Variants in LAMC3 observed in about 807,000 individuals in gnomAD.
The protein encoded by LAMC3 is laminin subunit gamma-3.
A neutral mutation model predicts 173.8 loss-of-function variants in LAMC3; 128 were observed. The ratio of observed to expected loss-of-function variants is 0.74; its 90% CI spans 0.64 to 0.85. The LOEUF (loss-of-function observed/expected upper bound fraction) is 0.85, where lower values mean the gene tolerates loss of function less well. Among genes scored for constraint, LAMC3 ranks in the 40% least tolerant of loss-of-function variants. The probability of loss-of-function intolerance (pLI) is 0.00; values close to 1 mark genes in which losing one functional copy is unlikely to be tolerated. For missense variants in LAMC3, 2,022 were observed against 2,156.0 expected, an observed-to-expected ratio of 0.94 and a Z score of 1.23; for synonymous variants, 897 against 909.1, an observed-to-expected ratio of 0.99 and a Z score of 0.24.
intron 11 of LAMC3, among the ~76,000 whole-genome samples, chr9:131,055,423 CTTT>C (rs56220728): frequency 3.7e-5 from 4 of 109,218 alleles, no homozygotes; most frequent in Non-Finnish European, 3.5e-5. Flanking sequence ...TCTTTTCTTT[CTTT>C]TTTTTTTTTT....
At chr9:131,079,364 G>T in intron 23 of LAMC3, 66 bp downstream of exon 23, 1 of 1,592,052 alleles carries the variant, frequency 6.3e-7, no homozygotes, top group East Asian at 2.3e-5. Flanking sequence ...GGTGATCCAG[G>T]GTCAGGGTTG....
chr9:131,040,026 T>G (rs1441805411), intron 6 of LAMC3, among the ~76,000 whole-genome samples: 1 of 151,196 alleles, frequency 6.6e-6, no homozygotes, highest in East Asian at 1.9e-4. Context: ...TTTTTTTTTT[T>G]TTTTTTGAGA....
At chr9:131,066,876 G>A (rs1829943823) in intron 13 of LAMC3, 84 bp from the exon 14 acceptor site, 1 of 1,557,346 alleles carries the variant, frequency 6.4e-7, no homozygotes, top group Admixed American at 1.7e-5. Context: ...AAGGTGGAGG[G>A]ACGCTTGCTC....
At chr9:131,037,887 G>A (rs138089853) in intron 4 of LAMC3, among the ~76,000 whole-genome samples, 13 of 152,276 alleles carry the variant, frequency 8.5e-5, no homozygotes, top group African/African-American at 2.2e-4. Context: ...CACTGACCAC[G>A]GCAGCCCAGC....
At chr9:131,078,779 A>G (rs2133338702) in intron 22 of LAMC3, among the ~76,000 whole-genome samples, 1 of 152,332 alleles carries the variant, frequency 6.6e-6, no homozygotes, top group Middle Eastern at 3.4e-3. Flanking sequence ...CTGGGGAAGC[A>G]TTCCCACTTT....
At chr9:131,046,135 A>G (rs1036638153) in intron 8 of LAMC3, among the ~76,000 whole-genome samples, 1 of 150,802 alleles carries the variant, frequency 6.6e-6, no homozygotes, top group African/African-American at 2.4e-5. Context: ...CTGAGGCCAC[A>G]TAACAGTTGT....
rs764381675 is a variant in LAMC3 at position 131,073,310 on chromosome 9, C to T, written c.3483C>T (p.Ala1161=). 1.4e-5 allele frequency: 23 copies of T among 1,613,562 alleles called. No homozygotes were observed. The South Asian group carries it at 2.3e-4, about 16-fold the overall frequency. ...KWSHLATEAR[A]LARSHRDTAT... is the part of the protein sequence containing the mutation. Reference sequence around the variant, plus strand: ...GCCACCTGGCCACAGAGGCCCGTGCCCTCGCCAGGAGGTGAGTCCCAAGAC... The same window carrying T: ...GCCACCTGGCCACAGAGGCCCGTGCTCTCGCCAGGAGGTGAGTCCCAAGAC... The change falls in exon 20 of 28, where the codon GCC becomes GCT. Residue 1161 remains alanine, a synonymous_variant. Transcript: ENST00000361069.
Position 131,082,047 on chromosome 9 carries a change from A to C in LAMC3, c.3928-12A>C. 1.2e-6 allele frequency: 2 copies of C among 1,610,098 alleles called. No individual in the cohort carries two copies. Among genetic ancestry groups the C allele is most frequent in the Non-Finnish European group, 1.7e-6 (2 of 1,177,046 alleles). On this transcript the variant is annotated splice_polypyrimidine_tract_variant and intron_variant, in intron 23 of 27. Coordinates refer to ENST00000361069, the MANE Select transcript of LAMC3 (RefSeq NM_006059.4). ...GGAGCCAGCTGCCCAGCCTCTCCTC[A>C]TCTCTCTCCAGCTGCACCAGGAGGC...
chr9:131,063,956 G>A (rs1427572161), intron 13 of LAMC3, among the ~76,000 whole-genome samples: 1 of 152,114 alleles, frequency 6.6e-6, no homozygotes, highest in Non-Finnish European at 1.5e-5. Flanking sequence ...CCCCCAGGCT[G>A]GAGTGCGGTG....
chr9:131,073,439 C>G, intron 20 of LAMC3, 118 bp downstream of exon 20: 1 of 774,810 alleles, frequency 1.3e-6, no homozygotes, highest in Non-Finnish European at 2.2e-6. Flanking sequence ...CAAGAGCTGT[C>G]TGATGGAGGC....
chr9:131,013,003 C>T (rs1177950690), intron 1 of LAMC3, among the ~76,000 whole-genome samples: 1 of 152,214 alleles, frequency 6.6e-6, no homozygotes, highest in African/African-American at 2.4e-5. Context: ...AGGGAGGCCA[C>T]GGGGCTGGGG....
rs12555150 is a variant in LAMC3, at chr9:131,011,523, T to G, written c.373+1936T>G. 3.4e-3 allele frequency among the ~76,000 whole-genome samples: 517 copies of G among 152,262 alleles called. 12 individuals carry two copies. The highest frequency in any genetic ancestry group is 0.031 in the Admixed American group (470 of 15,296). ...TTGGAGTGGGGTGCGGGGAGGACCG[T>G]GAGCCCGCTCTGCAGAGCACACAGG... is the stretch of plus-strand genomic sequence containing the variant. On this transcript the variant is annotated intron_variant, in intron 1 of 27. Transcript: ENST00000361069.
chr9:131,081,973 T>A (rs1355390308), intron 23 of LAMC3, 86 bp from the exon 24 acceptor site: 1 of 898,388 alleles, frequency 1.1e-6, no homozygotes, highest in East Asian at 2.6e-5. Context: ...TGGGCACCCA[T>A]GTATGTGGGT....
chr9:131,015,758 C>T (rs938877378), intron 1 of LAMC3, among the ~76,000 whole-genome samples: 9 of 152,198 alleles, frequency 5.9e-5, no homozygotes, highest in East Asian at 1.9e-4. Context: ...CAGGTTCAAG[C>T]GATTCTCCTG....
At chr9:131,048,168 T>C (rs1834211026) in intron 8 of LAMC3, among the ~76,000 whole-genome samples, 1 of 147,260 alleles carries the variant, frequency 6.8e-6, no homozygotes, top group African/African-American at 2.5e-5. Context: ...GCGATTCTCC[T>C]GCCTCAGCCT....
chr9:131,082,004 C>T (rs1830251339), intron 23 of LAMC3, 55 bp from the exon 24 acceptor site: 55 of 1,405,064 alleles, frequency 3.9e-5, no homozygotes, highest in Non-Finnish European at 5.4e-5. Context: ...CTGAGCTGCC[C>T]CTGGGCCCTG....
At chr9:131,055,519 G>GT (rs1252667073) in intron 11 of LAMC3, among the ~76,000 whole-genome samples, 1 of 143,126 alleles carries the variant, frequency 7.0e-6, no homozygotes, top group African/African-American at 2.6e-5. Context: ...CCGCCTCCCG[G>GT]GTTCATGTCA....
chr9:131,023,681 C>T (rs1366001084), intron 1 of LAMC3, among the ~76,000 whole-genome samples: 1 of 152,162 alleles, frequency 6.6e-6, no homozygotes, highest in Non-Finnish European at 1.5e-5. Context: ...GATCATGGCT[C>T]ACTGTAGCCT....
At chr9:131,014,269 C>T (rs754142152) in intron 1 of LAMC3, among the ~76,000 whole-genome samples, 6 of 152,246 alleles carry the variant, frequency 3.9e-5, no homozygotes, top group Admixed American at 6.5e-5. Flanking sequence ...TCTCCTCCAG[C>T]GCCTTACATG....
Sources: gnomAD v4.1 joint callset for allele counts (sites outside exome capture counted in the v4.1 genomes callset) on GRCh38, gnomAD v4.1.1 for gene constraint, MANE v1.5 for transcripts, NCBI Gene and HGNC (gene_info 2026-07-23, HGNC 2026-07-21) for gene names.